TOGARAM1: variants seen among roughly 807,000 people sequenced by gnomAD.
TOGARAM1 encodes TOG array regulator of axonemal microtubules protein 1.
In TOGARAM1, 100 loss-of-function variants were observed where a neutral mutation model predicts 166.6. The ratio of observed to expected loss-of-function variants is 0.60; its 90% confidence interval spans 0.51 to 0.71. The LOEUF is 0.71. Ranked by LOEUF, TOGARAM1 falls within the 30% of genes least tolerant of loss-of-function variation. TOGARAM1 has a pLI of 0.00. For missense variants in TOGARAM1, 2,029 were observed against 2,102.7 expected (o/e 0.96, Z 0.69); for synonymous variants, 758 against 763.8 (o/e 0.99, Z 0.13).
In TOGARAM1 at chr14:45,027,419, G is replaced by A; in HGVS notation, c.3449G>A (p.Gly1150Glu). The A allele has an allele frequency of 6.2e-7, 1 of 1,613,378 alleles. No homozygotes were observed. ...QSIEPPSGIY[G>E]RSVQQNISSY... ...ATTGAACCACCATCAGGGATTTATGGAAGATCAGTCCAGCAAAATATTTCA... is the reference window on the plus strand; with the variant it reads ...ATTGAACCACCATCAGGGATTTATGAAAGATCAGTCCAGCAAAATATTTCA... Residue 1150 changes from glycine to glutamate, a missense_variant, in exon 9 of 20, where the codon GGA becomes GAA. By Grantham distance (98) the Gly-to-Glu change is moderately conservative. Around this residue, in one of 2 missense-constraint regions of TOGARAM1, gnomAD observed 1,453 missense variants for 1,432.2 expected, o/e 1.01. Coordinates refer to ENST00000361462, the MANE Select transcript of TOGARAM1 (RefSeq NM_001308120.2).
intron 7 of TOGARAM1, among the ~76,000 whole-genome samples, chr14:45,012,326 G>T (rs970395174): frequency 2.0e-5 from 3 of 152,136 alleles, no homozygotes; most frequent in African/African-American, 4.8e-5. Flanking sequence ...CCTACACCTA[G>T]ATTTTTTATG....
chr14:45,039,210 T>G (rs1414859163), intron 11 of TOGARAM1, among the ~76,000 whole-genome samples: 1 of 151,942 alleles, frequency 6.6e-6, no homozygotes, highest in Non-Finnish European at 1.5e-5. Context: ...GAGGGTAGCT[T>G]TTCTCCACAG....
intron 1 of TOGARAM1, among the ~76,000 whole-genome samples, chr14:44,985,723 A>G (rs1401824676): frequency 6.6e-6 from 1 of 152,246 alleles, no homozygotes; most frequent in Non-Finnish European, 1.5e-5. Flanking sequence ...CTAACAGGCC[A>G]GGACCAGTAG....
intron 15 of TOGARAM1, among the ~76,000 whole-genome samples, chr14:45,053,855 G>A (rs897173324): frequency 6.6e-5 from 10 of 151,916 alleles, no homozygotes; most frequent in African/African-American, 2.4e-4. Flanking sequence ...AAGAAGAGTA[G>A]TTACGAAATA....
intron 1 of TOGARAM1, among the ~76,000 whole-genome samples, chr14:44,977,558 A>C (rs1376089145): frequency 6.6e-6 from 1 of 151,962 alleles, no homozygotes; most frequent in African/African-American, 2.4e-5. Context: ...TTAAATAGAA[A>C]AATTCATAGC....
chr14:44,994,437 G>C (rs1228603614), intron 1 of TOGARAM1, among the ~76,000 whole-genome samples: 3 of 151,790 alleles, frequency 2.0e-5, no homozygotes, highest in Admixed American at 2.0e-4. Flanking sequence ...TCTTTTTTTT[G>C]AGACAGGGTC....
chr14:45,046,926 G>A (rs544248771), intron 14 of TOGARAM1, among the ~76,000 whole-genome samples: 4 of 152,274 alleles, frequency 2.6e-5, no homozygotes, highest in Admixed American at 1.3e-4. Context: ...TCTGGGTAGT[G>A]AGATGCCAAG....
intron 6 of TOGARAM1, among the ~76,000 whole-genome samples, chr14:45,011,612 G>T (rs1342776778): frequency 6.6e-6 from 1 of 152,038 alleles, no homozygotes; most frequent in Non-Finnish European, 1.5e-5. Context: ...ACCACACTTG[G>T]CCTTGATTTG....
chr14:44,963,675 G>A lies in TOGARAM1; in HGVS notation c.1254G>A (p.Leu418=). The A allele has an allele frequency of 6.2e-7, 1 of 1,613,548 alleles. No individual in the cohort carries two copies. The highest frequency in any genetic ancestry group is 1.1e-5 in the South Asian group (1 of 91,082). The change falls in exon 1 of 20, where the codon CTG becomes CTA. Residue 418 remains leucine (L), a synonymous_variant. Coordinates refer to ENST00000361462, the MANE Select transcript of TOGARAM1 (RefSeq NM_001308120.2). ...TGGTGCATGGCACACTTGAAGTCCTGCATTTACTGGTTATTCGCCTTGGAG... is the reference window on the plus strand; with the variant it reads ...TGGTGCATGGCACACTTGAAGTCCTACATTTACTGGTTATTCGCCTTGGAG... ...FKVVHGTLEV[L]HLLVIRLGEQ... is the part of the protein sequence containing the mutation.
chr14:45,049,648 T>C (rs1882262306), intron 14 of TOGARAM1, among the ~76,000 whole-genome samples: 1 of 151,742 alleles, frequency 6.6e-6, no homozygotes, highest in South Asian at 2.1e-4. Context: ...CTATATGATA[T>C]AACATAATCT....
intron 16 of TOGARAM1, among the ~76,000 whole-genome samples, chr14:45,057,918 T>G (rs1257629395): frequency 6.6e-6 from 1 of 152,160 alleles, no homozygotes; most frequent in Non-Finnish European, 1.5e-5. Flanking sequence ...TATTCTGCAG[T>G]TTTGGGGTCA....
chr14:45,046,085 T>C (rs1480031890), intron 13 of TOGARAM1, among the ~76,000 whole-genome samples: 25 of 152,116 alleles, frequency 1.6e-4, no homozygotes. Flanking sequence ...GCAAATAATT[T>C]GACATTTTAG....
At chr14:44,993,165 A>G (rs886784073) in intron 1 of TOGARAM1, among the ~76,000 whole-genome samples, 3 of 151,968 alleles carry the variant, frequency 2.0e-5, no homozygotes, top group Admixed American at 1.3e-4. Flanking sequence ...GCACATGCCT[A>G]TAGTCCCAGC....
chr14:45,028,291 G>A lies in TOGARAM1; in HGVS notation c.3620G>A (p.Arg1207Gln), dbSNP rs764779339. 12 of 1,599,588 alleles carry A rather than the reference G, an allele frequency of 7.5e-6. No individual in the cohort carries two copies. The highest frequency in any genetic ancestry group is 2.3e-5 in the South Asian group (2 of 87,822). Reference protein sequence around the residue: ...CEKKEKNSWERMRHTGTEKMA... With the variant: ...CEKKEKNSWEQMRHTGTEKMA... ...AAGAAGGAAAAAAATTCCTGGGAACGAATGAGACATACAGGAACTGAGAAA... is the reference window on the plus strand; with the variant it reads ...AAGAAGGAAAAAAATTCCTGGGAACAAATGAGACATACAGGAACTGAGAAA... The change falls in exon 10 of 20, where the codon CGA (arginine) becomes CAA (glutamine). Residue 1207 changes from arginine to glutamine, a missense_variant. Transcript: ENST00000361462.
At position 45,066,198 on chromosome 14, in the gene TOGARAM1, A is replaced by G. The variant is rs187112803; in HGVS notation, c.4560-380A>G. ...GACAACATTTCACATATGTTGTCAT[A>G]ACTCATTGCTGAAGGAATTGTGTTC... On this transcript the variant is annotated intron_variant, in intron 16 of 19. Transcript: ENST00000361462. 5.9e-5 allele frequency among the ~76,000 whole-genome samples: 9 copies of G among 152,276 alleles called. No homozygotes were observed. In the East Asian group the frequency reaches 9.6e-4, roughly 16 times the overall value.
rs575141674 is a variant in TOGARAM1, at chr14:45,055,976, A to G, written c.4559+1427A>G. On this transcript the variant is annotated intron_variant, in intron 16 of 19. Coordinates refer to ENST00000361462, the MANE Select transcript of TOGARAM1 (RefSeq NM_001308120.2). ...CAGACTGTAGACTGCTTTTGGCAGTATGGTCGTTTTAATTATTCTGATCCA... is the reference window on the plus strand; with the variant it reads ...CAGACTGTAGACTGCTTTTGGCAGTGTGGTCGTTTTAATTATTCTGATCCA... Among the ~76,000 whole-genome samples, 3 of 151,256 alleles carry G rather than the reference A, an allele frequency of 2.0e-5. No homozygotes were observed. In the East Asian group the frequency reaches 5.9e-4, roughly 30 times the overall value.
rs368286174 is a variant in TOGARAM1 at position 44,962,508 on chromosome 14, C to T, written c.87C>T (p.Ser29=). ...GGCTCCAGAGCCGCAGTCGTCCTTC[C>T]GCCCCAGAGACCGATGATAGTCGAG... ...TYRLQSRSRP[S]APETDDSRVG... The change falls in exon 1 of 20, where the codon TCC becomes TCT. Residue 29 remains serine (S), a synonymous_variant. Coordinates refer to ENST00000361462, the MANE Select transcript of TOGARAM1 (RefSeq NM_001308120.2). The T allele has an allele frequency of 1.2e-6, 2 of 1,612,952 alleles. No homozygotes were observed. The highest frequency in any genetic ancestry group is 1.3e-5 in the African/African-American group (1 of 75,024).
chr14:44,979,677 G>T (rs1886424756), intron 1 of TOGARAM1, among the ~76,000 whole-genome samples: 1 of 152,138 alleles, frequency 6.6e-6, no homozygotes, highest in Non-Finnish European at 1.5e-5. Flanking sequence ...TTTGAATGTA[G>T]GCAAAATGAC....
intron 4 of TOGARAM1, among the ~76,000 whole-genome samples, chr14:45,005,014 C>T (rs1887884016): frequency 6.6e-6 from 1 of 152,018 alleles, no homozygotes; most frequent in East Asian, 1.9e-4. Flanking sequence ...CCTCCACCTC[C>T]AAGTGATTCT....
Sources: allele counts gnomAD v4.1 joint callset (sites outside exome capture counted in the v4.1 genomes callset), GRCh38; gene constraint gnomAD v4.1.1; regional missense constraint gnomAD v4.1.1; transcripts MANE v1.5; gene names NCBI Gene and HGNC (gene_info 2026-07-23, HGNC 2026-07-21).